Variants in PAPPA observed in about 807,000 individuals in gnomAD.
PAPPA encodes the protein pappalysin 1, also known as pappalysin-1.
Under a neutral mutation model 164.0 loss-of-function variants are expected in PAPPA, and 60 were observed. The ratio of observed to expected loss-of-function variants is 0.37; its 90% CI spans 0.30 to 0.45. PAPPA has a LOEUF of 0.45. Ranked by LOEUF, PAPPA falls within the 20% of genes least tolerant of loss-of-function variation. The pLI, the probability that PAPPA is intolerant of heterozygous loss-of-function variation, is 1.00. For missense variants in PAPPA, 1,782 were observed against 2,087.3 expected, an observed-to-expected ratio of 0.85 and a Z score of 2.85; for synonymous variants, 875 against 814.1, an observed-to-expected ratio of 1.07 and a Z score of -1.27.
At chr9:116,374,160 G>GAT (rs1846615724) in intron 19 of PAPPA, among the ~76,000 whole-genome samples, 1 of 146,696 alleles carries the variant, frequency 6.8e-6, no homozygotes, top group Non-Finnish European at 1.5e-5. Flanking sequence ...TGGTAGTGTT[G>GAT]GTGGTGGTGT....
chr9:116,347,185 T>G lies in PAPPA; in HGVS notation c.3940T>G (p.Cys1314Gly). 2 of 1,613,624 alleles carry G rather than the reference T, an allele frequency of 1.2e-6. No homozygotes were observed. Among genetic ancestry groups the G allele is most frequent in the Non-Finnish European group, 1.7e-6 (2 of 1,179,742 alleles). Residue 1314 changes from cysteine (C) to glycine (G), a missense_variant, in exon 15 of 22, where the codon TGC becomes GGC. By Grantham distance (159) the Cys-to-Gly change is radical. This residue lies in a region of PAPPA where 1,324 missense variants were observed against 1,656.9 expected (regional missense o/e 0.80). Transcript: ENST00000328252. The surrounding 1 kb of genome is among the most constrained non-coding windows in gnomAD (Gnocchi z 4.5). ...CTTTGGCAGTCAATGTTCCTTCCAG[T>G]GCCGTCACCCTGCACAATTGAAAGG... Reference protein sequence around the residue: ...TTFGSQCSFQCRHPAQLKGNN... With the variant: ...TTFGSQCSFQGRHPAQLKGNN...
intron 10 of PAPPA, among the ~76,000 whole-genome samples, chr9:116,329,819 A>T (rs951518895): frequency 2.0e-5 from 3 of 152,144 alleles, no homozygotes; most frequent in Non-Finnish European, 4.4e-5. Context: ...CTATTTTTAT[A>T]TCATCCTTGT....
At chr9:116,184,759 A>T (rs984537694) in intron 1 of PAPPA, among the ~76,000 whole-genome samples, 2 of 152,168 alleles carry the variant, frequency 1.3e-5, no homozygotes, top group African/African-American at 4.8e-5. Flanking sequence ...TTATTCTCTG[A>T]TTCTCCCTGT....
intron 7 of PAPPA, among the ~76,000 whole-genome samples, chr9:116,257,724 A>G (rs983701123): frequency 1.3e-5 from 2 of 152,032 alleles, no homozygotes; most frequent in Admixed American, 1.3e-4. Flanking sequence ...AAGTCTGAGG[A>G]TTGAAAAGGA....
chr9:116,276,341 G>T (rs1845198073), intron 9 of PAPPA, among the ~76,000 whole-genome samples: 1 of 152,176 alleles, frequency 6.6e-6, no homozygotes, highest in Non-Finnish European at 1.5e-5. Context: ...CTTCTGAGAT[G>T]GAATCTAGTG....
chr9:116,190,581 C>T (rs1844028800), intron 2 of PAPPA, among the ~76,000 whole-genome samples: 1 of 152,192 alleles, frequency 6.6e-6, no homozygotes, highest in African/African-American at 2.4e-5. Context: ...AATTAAAAGA[C>T]AAGTGATAGG....
Position 116,302,758 on chromosome 9 carries a change from T to C in PAPPA, c.2955T>C (p.Asp985=). The C allele has an allele frequency of 6.2e-7, 1 of 1,608,620 alleles. No individual in the cohort carries two copies. Among genetic ancestry groups the C allele is most frequent in the Admixed American group, 1.7e-5 (1 of 59,738 alleles). Residue 985 remains aspartate (D), a splice_region_variant and synonymous_variant, in exon 10 of 22, where the codon GAT becomes GAC. Transcript: ENST00000328252. ...CRQEVSFNCI[D]EPSRCYFHDG... Reference sequence around the variant, plus strand: ...CCTTTCTATGTCAATCTTTTGCAGATGAACCCAGCCGGTGCTATTTCCATG... The same window carrying C: ...CCTTTCTATGTCAATCTTTTGCAGACGAACCCAGCCGGTGCTATTTCCATG...
At chr9:116,250,013 A>ATGTGTGTGTGTGTGTGTG (rs67162181) in intron 7 of PAPPA, among the ~76,000 whole-genome samples, 6 of 143,546 alleles carry the variant, frequency 4.2e-5, no homozygotes, top group Admixed American at 2.8e-4. Flanking sequence ...GTACCTGCAT[A>ATGTGTGTGTGTGTGTGTG]TGTGTGTGTG....
chr9:116,348,364 C>G (rs575654195), intron 15 of PAPPA, among the ~76,000 whole-genome samples: 1 of 151,972 alleles, frequency 6.6e-6, no homozygotes, highest in African/African-American at 2.4e-5. Context: ...CCACCCTCAT[C>G]TCAAGCCAGG....
chr9:116,260,608 T>C (rs533526774), intron 7 of PAPPA, among the ~76,000 whole-genome samples: 1 of 152,310 alleles, frequency 6.6e-6, no homozygotes, highest in East Asian at 1.9e-4. Context: ...CAGTGCAGAA[T>C]TTTAAATGCT....
chr9:116,384,775 C>T (rs1021783527), intron 21 of PAPPA, among the ~76,000 whole-genome samples: 1 of 151,800 alleles, frequency 6.6e-6, no homozygotes, highest in Non-Finnish European at 1.5e-5. Flanking sequence ...ACAATATTAT[C>T]TATTTTCTTC....
intron 6 of PAPPA, among the ~76,000 whole-genome samples, chr9:116,234,870 G>A (rs1304176594): frequency 6.6e-6 from 1 of 152,174 alleles, no homozygotes; most frequent in African/African-American, 2.4e-5. Context: ...GGAAGATGAG[G>A]AAGGAAAGTT....
At chr9:116,394,765 G>A (rs1846940170) in intron 21 of PAPPA, among the ~76,000 whole-genome samples, 1 of 152,184 alleles carries the variant, frequency 6.6e-6, no homozygotes, top group African/African-American at 2.4e-5. Context: ...TGGAAAAGGG[G>A]ACGGTGGAAA....
At chr9:116,279,027 G>A (rs1026270794) in intron 9 of PAPPA, among the ~76,000 whole-genome samples, 2 of 152,116 alleles carry the variant, frequency 1.3e-5, no homozygotes, top group African/African-American at 4.8e-5. Context: ...ACCAAATCCT[G>A]ATGCTAAATT....
intron 16 of PAPPA, 87 bp downstream of exon 16, chr9:116,353,003 CTT>C: frequency 1.1e-6 from 1 of 940,572 alleles, no homozygotes; most frequent in Non-Finnish European, 1.7e-6. Context: ...GCACTCATTT[CTT>C]CACTGGAGGT....
At chr9:116,332,292 C>T (rs1564229053) in intron 11 of PAPPA, 41 bp from the exon 12 acceptor site, 1 of 1,583,370 alleles carries the variant, frequency 6.3e-7, no homozygotes. Context: ...CACCACATGA[C>T]TGAGTGCACA....
intron 10 of PAPPA, among the ~76,000 whole-genome samples, chr9:116,313,923 C>T (rs1845753983): frequency 6.6e-6 from 1 of 152,006 alleles, no homozygotes; most frequent in Non-Finnish European, 1.5e-5. Flanking sequence ...GTGCCTTAGT[C>T]CTCTCATCTG....
chr9:116,280,927 G>A (rs1845258149), intron 9 of PAPPA, among the ~76,000 whole-genome samples: 1 of 152,216 alleles, frequency 6.6e-6, no homozygotes. Context: ...TGCTGGCAGA[G>A]GTGGATGAGT....
intron 20 of PAPPA, among the ~76,000 whole-genome samples, chr9:116,379,539 T>TCATCCATC (rs60827972): frequency 0.066 from 9,875 of 149,864 alleles, 391 homozygotes; most frequent in African/African-American, 0.093. Flanking sequence ...TTCTTGCCTG[T>TCATCCATC]CATCCATCCA....
Sources: gnomAD v4.1 joint callset for allele counts (sites outside exome capture counted in the v4.1 genomes callset) on GRCh38, gnomAD v4.1.1 for gene constraint, gnomAD v4.1.1 regional missense constraint, Gnocchi (gnomAD v3.1) non-coding constraint, MANE v1.5 for transcripts, NCBI Gene and HGNC (gene_info 2026-07-23, HGNC 2026-07-21) for gene names.